Variants in DGKI observed in about 807,000 individuals in gnomAD.
DGKI encodes the protein diacylglycerol kinase iota.
Under a neutral mutation model 147.5 loss-of-function variants are expected in DGKI, and 55 were observed. The ratio of observed to expected loss-of-function variants is 0.37; its 90% CI spans 0.30 to 0.47. The LOEUF (loss-of-function observed/expected upper bound fraction) is 0.47, where lower values mean the gene tolerates loss of function less well. Among genes scored for constraint, DGKI ranks in the 20% least tolerant of loss-of-function variants. DGKI has a pLI of 1.00. For missense variants in DGKI, 1,007 were observed against 1,323.8 expected, an observed-to-expected ratio of 0.76 and a Z score of 3.71; for synonymous variants, 469 against 477.1, an observed-to-expected ratio of 0.98 and a Z score of 0.22.
intron 1 of DGKI, among the ~76,000 whole-genome samples, chr7:137,693,673 G>A (rs1823686146): frequency 6.6e-6 from 1 of 152,174 alleles, no homozygotes; most frequent in African/African-American, 2.4e-5. Context: ...TTCAAGAAAT[G>A]CTTTCTGAGT....
chr7:137,688,132 G>A (rs1255956693), intron 2 of DGKI, among the ~76,000 whole-genome samples: 1 of 152,148 alleles, frequency 6.6e-6, no homozygotes, highest in Non-Finnish European at 1.5e-5. Context: ...AATGGGAATG[G>A]AATGTCCTTT....
chr7:137,498,008 A>G (rs910176581), intron 21 of DGKI, among the ~76,000 whole-genome samples: 1 of 152,140 alleles, frequency 6.6e-6, no homozygotes, highest in Non-Finnish European at 1.5e-5. Flanking sequence ...CACTTTAAAC[A>G]TGATATCTTT....
intron 21 of DGKI, among the ~76,000 whole-genome samples, chr7:137,515,244 A>G (rs1816710011): frequency 6.6e-6 from 1 of 152,150 alleles, no homozygotes; most frequent in East Asian, 1.9e-4. Context: ...ATCCTCTGTC[A>G]CTGTTCTGCT....
At chr7:137,585,005 C>T (rs528625420) in intron 14 of DGKI, among the ~76,000 whole-genome samples, 10 of 152,184 alleles carry the variant, frequency 6.6e-5, no homozygotes, top group East Asian at 3.9e-4. Context: ...GAAGCAGGTA[C>T]GGAATCTAGG....
At chr7:137,675,061 T>C (rs1822983057) in intron 3 of DGKI, among the ~76,000 whole-genome samples, 1 of 152,172 alleles carries the variant, frequency 6.6e-6, no homozygotes, top group Non-Finnish European at 1.5e-5. Flanking sequence ...GAAATTAGAA[T>C]ATAAATACAT....
intron 19 of DGKI, among the ~76,000 whole-genome samples, chr7:137,556,247 T>G (rs796701677): frequency 6.6e-6 from 1 of 151,422 alleles, no homozygotes; most frequent in Non-Finnish European, 1.5e-5. Context: ...CCCACCAAGA[T>G]ACCTAGAAAA....
At chr7:137,784,054 A>G (rs1490504629) in intron 1 of DGKI, among the ~76,000 whole-genome samples, 1 of 152,208 alleles carries the variant, frequency 6.6e-6, no homozygotes. Context: ...TAACAATAAC[A>G]CAGTGTAAAA....
At chr7:137,395,177 G>A (rs1448845399) in intron 32 of DGKI, among the ~76,000 whole-genome samples, 1 of 152,134 alleles carries the variant, frequency 6.6e-6, no homozygotes, top group African/African-American at 2.4e-5. Context: ...CCCATATAAG[G>A]GGCCATATAA....
At chr7:137,692,818 A>G (rs1204073829) in intron 1 of DGKI, among the ~76,000 whole-genome samples, 1 of 152,212 alleles carries the variant, frequency 6.6e-6, no homozygotes, top group Non-Finnish European at 1.5e-5. Flanking sequence ...GTGGATACAA[A>G]TTTAAGGTTG....
intron 23 of DGKI, among the ~76,000 whole-genome samples, chr7:137,478,093 C>G (rs949656430): frequency 1.3e-5 from 2 of 152,126 alleles, no homozygotes; most frequent in Non-Finnish European, 2.9e-5. Context: ...AAAAACCAAA[C>G]AGAAGTCTAG....
intron 8 of DGKI, among the ~76,000 whole-genome samples, chr7:137,611,821 G>A (rs900609299): frequency 6.6e-6 from 1 of 152,122 alleles, no homozygotes; most frequent in Non-Finnish European, 1.5e-5. Context: ...TTGAAATAAT[G>A]AACAAATATT....
chr7:137,665,722 G>C (rs1822615703), intron 3 of DGKI, among the ~76,000 whole-genome samples: 1 of 152,138 alleles, frequency 6.6e-6, no homozygotes, highest in Non-Finnish European at 1.5e-5. Context: ...GGAGAAAGAA[G>C]AGCAGTGCCT....
intron 1 of DGKI, among the ~76,000 whole-genome samples, chr7:137,830,023 G>T (rs1231829436): frequency 6.6e-6 from 1 of 152,190 alleles, no homozygotes; most frequent in Non-Finnish European, 1.5e-5. Flanking sequence ...GACAGAGGAA[G>T]GGATGGATGT....
chr7:137,573,553 C>T (rs1408766911), intron 17 of DGKI, among the ~76,000 whole-genome samples: 2 of 152,066 alleles, frequency 1.3e-5, no homozygotes, highest in African/African-American at 2.4e-5. Context: ...TACAGGTGCC[C>T]GCCACCACGC....
intron 12 of DGKI, among the ~76,000 whole-genome samples, chr7:137,587,641 A>T (rs970105873): frequency 1.3e-5 from 2 of 152,208 alleles, no homozygotes; most frequent in African/African-American, 2.4e-5. Flanking sequence ...GATTTTCAAA[A>T]TGGGGATAAT....
At chr7:137,660,129 T>C (rs1822372239) in intron 3 of DGKI, among the ~76,000 whole-genome samples, 1 of 152,206 alleles carries the variant, frequency 6.6e-6, no homozygotes, top group Non-Finnish European at 1.5e-5. Context: ...GCCTTAAATA[T>C]CAAACAGCAC....
At chr7:137,639,774 G>T (rs532790658) in intron 6 of DGKI, among the ~76,000 whole-genome samples, 8 of 152,108 alleles carry the variant, frequency 5.3e-5, no homozygotes, top group Non-Finnish European at 1.0e-4. Flanking sequence ...GCAGTAAAAT[G>T]GTTCTACAGA....
chr7:137,616,393 A>C (rs1481444299), intron 8 of DGKI, among the ~76,000 whole-genome samples: 1 of 152,194 alleles, frequency 6.6e-6, no homozygotes, highest in Non-Finnish European at 1.5e-5. Flanking sequence ...CATAGACGGT[A>C]ATAAAAAGGC....
intron 1 of DGKI, among the ~76,000 whole-genome samples, chr7:137,765,097 C>G (rs560175859): frequency 2.6e-4 from 39 of 152,186 alleles, no homozygotes; most frequent in Admixed American, 2.6e-3. Context: ...AAACATGAGG[C>G]GCCAGGTGCA....
Sources: gnomAD v4.1 joint callset for allele counts (sites outside exome capture counted in the v4.1 genomes callset) on GRCh38, gnomAD v4.1.1 for gene constraint, MANE v1.5 for transcripts, NCBI Gene and HGNC (gene_info 2026-07-23, HGNC 2026-07-21) for gene names.